Variants in TCF12 observed in about 807,000 individuals in gnomAD.
TCF12 encodes the protein DNA-binding protein HTF4.
Under a neutral mutation model 86.0 loss-of-function variants are expected in TCF12, and 45 were observed. The observed-to-expected ratio is 0.52, with a 90% CI of 0.41 to 0.67. The LOEUF is 0.67. Among genes scored for constraint, TCF12 ranks in the 30% least tolerant of loss-of-function variants. The pLI is 0.00. For missense variants in TCF12, 881 were observed against 859.9 expected (o/e 1.02, Z -0.31); for synonymous variants, 330 against 299.6 (o/e 1.10, Z -1.05).
At chr15:56,968,999 T>G (rs1459019973) in intron 3 of TCF12, among the ~76,000 whole-genome samples, 1 of 152,218 alleles carries the variant, frequency 6.6e-6, no homozygotes, top group East Asian at 1.9e-4. Context: ...TCTGGCTCAG[T>G]TAATCTGCAT....
chr15:56,953,555 A>G (rs2061371014), intron 3 of TCF12, among the ~76,000 whole-genome samples: 2 of 151,870 alleles, frequency 1.3e-5, no homozygotes, highest in South Asian at 4.1e-4. Flanking sequence ...CTAGGTGTAG[A>G]GTTTTTCATT....
intron 14 of TCF12, 62 bp downstream of exon 14, chr15:57,251,485 T>G: frequency 1.3e-6 from 2 of 1,514,250 alleles, no homozygotes; most frequent in African/African-American, 1.4e-5. Context: ...TTTTGGTCAA[T>G]CTGGCATAAC....
chr15:56,960,814 G>C (rs540326854), intron 3 of TCF12, among the ~76,000 whole-genome samples: 4 of 151,802 alleles, frequency 2.6e-5, no homozygotes, highest in Admixed American at 2.6e-4. Context: ...ATTAATATTT[G>C]GATTCTCAAC....
intron 3 of TCF12, among the ~76,000 whole-genome samples, chr15:56,988,010 G>A (rs2063276623): frequency 6.6e-6 from 1 of 152,198 alleles, no homozygotes; most frequent in Admixed American, 6.5e-5. Context: ...GTATTAGTAT[G>A]TGGTCTTATG....
intron 3 of TCF12, among the ~76,000 whole-genome samples, chr15:57,038,436 G>T (rs1325671056): frequency 6.7e-6 from 1 of 149,768 alleles, no homozygotes; most frequent in Non-Finnish European, 1.5e-5. Flanking sequence ...AAAGAAAGAA[G>T]GTGGGGGTGG....
chr15:56,940,465 C>CTCT (rs1191919874), intron 3 of TCF12, among the ~76,000 whole-genome samples: 20 of 150,420 alleles, frequency 1.3e-4, no homozygotes, highest in Non-Finnish European at 1.9e-4. Flanking sequence ...TTTCTTCTTC[C>CTCT]TCTTCTTCTT....
chr15:57,267,014 G>C (rs537219568), intron 18 of TCF12, among the ~76,000 whole-genome samples: 1 of 152,348 alleles, frequency 6.6e-6, no homozygotes, highest in South Asian at 2.1e-4. Context: ...GGCTAACAGA[G>C]AGATGCTGTC....
intron 6 of TCF12, among the ~76,000 whole-genome samples, chr15:57,171,564 A>T (rs2055504182): frequency 1.3e-5 from 2 of 152,214 alleles, no homozygotes; most frequent in South Asian, 4.1e-4. Context: ...AATGTACATA[A>T]AATGCTGCTG....
intron 18 of TCF12, among the ~76,000 whole-genome samples, chr15:57,266,085 TATTATTTATTTATTTATTTA>T (rs1351909494): frequency 1.6e-4 from 24 of 145,848 alleles, no homozygotes; most frequent in East Asian, 5.9e-4. Flanking sequence ...TTTTTGTTTT[TATTATTTATTTATTTATTTA>T]TTTATTTATT....
chr15:56,921,191 ATATATG>A, intron 3 of TCF12, 93 bp downstream of exon 3: 1 of 803,994 alleles, frequency 1.2e-6, no homozygotes, highest in Non-Finnish European at 1.8e-6. Context: ...ATATTATTGA[ATATATG>A]TATATAAAAG....
intron 5 of TCF12, among the ~76,000 whole-genome samples, chr15:57,114,457 A>T (rs943422619): frequency 2.0e-5 from 3 of 151,886 alleles, no homozygotes; most frequent in Non-Finnish European, 4.4e-5. Flanking sequence ...CACCTAGCTA[A>T]TTTTTTTATT....
At chr15:57,272,839 G>A (rs1300257948) in intron 18 of TCF12, among the ~76,000 whole-genome samples, 191 bp from the exon 19 acceptor site, 11 of 152,246 alleles carry the variant, frequency 7.2e-5, no homozygotes, top group African/African-American at 2.4e-4. Context: ...TATTTCAACT[G>A]TATGACTGTA....
intron 5 of TCF12, among the ~76,000 whole-genome samples, chr15:57,113,036 GT>G (rs2050600204): frequency 6.6e-6 from 1 of 152,142 alleles, no homozygotes; most frequent in African/African-American, 2.4e-5. Context: ...TGTTCTGTGT[GT>G]CCTACTTCTA....
chr15:57,143,978 T>G (rs1441161451), intron 5 of TCF12, among the ~76,000 whole-genome samples: 1 of 152,188 alleles, frequency 6.6e-6, no homozygotes, highest in African/African-American at 2.4e-5. Context: ...GGCTCTGCTT[T>G]TAGGCAGATA....
At chr15:57,185,488 C>G (rs568838280) in intron 6 of TCF12, among the ~76,000 whole-genome samples, 9 of 152,010 alleles carry the variant, frequency 5.9e-5, no homozygotes, top group Non-Finnish European at 1.0e-4. Flanking sequence ...GAAGAACAAA[C>G]TAAATTGAAG....
intron 4 of TCF12, among the ~76,000 whole-genome samples, chr15:57,068,942 G>C (rs2069137125): frequency 6.6e-6 from 1 of 152,030 alleles, no homozygotes; most frequent in Non-Finnish European, 1.5e-5. Flanking sequence ...CTATTATATT[G>C]TTATTTATAA....
intron 5 of TCF12, among the ~76,000 whole-genome samples, chr15:57,092,433 G>A (rs2049050742): frequency 6.6e-6 from 1 of 151,996 alleles, no homozygotes. Context: ...TTTCAAGAAG[G>A]GTATGCACTA....
intron 3 of TCF12, among the ~76,000 whole-genome samples, chr15:56,985,601 G>A (rs1308166533): frequency 2.0e-5 from 3 of 152,092 alleles, no homozygotes; most frequent in African/African-American, 7.2e-5. Context: ...TTATAAAAAT[G>A]TATGAATAAA....
chr15:56,947,307 G>T (rs2061048747), intron 3 of TCF12, among the ~76,000 whole-genome samples: 1 of 152,116 alleles, frequency 6.6e-6, no homozygotes, highest in African/African-American at 2.4e-5. Context: ...CTGTGTGTGT[G>T]TGTGATTTGC....
Sources: allele counts gnomAD v4.1 joint callset (sites outside exome capture counted in the v4.1 genomes callset), GRCh38; gene constraint gnomAD v4.1.1; transcripts MANE v1.5; gene names NCBI Gene and HGNC (gene_info 2026-07-23, HGNC 2026-07-21).